Variants in KIF26B observed in about 807,000 individuals in gnomAD.
KIF26B encodes the protein kinesin family member 26B, also known as kinesin-like protein KIF26B.
Under a neutral mutation model 151.2 loss-of-function variants are expected in KIF26B, and 63 were observed. The observed-to-expected ratio is 0.42, with a 90% CI of 0.34 to 0.51. KIF26B has a LOEUF of 0.51. Among genes scored for constraint, KIF26B ranks in the 20% least tolerant of loss-of-function variants. The probability of loss-of-function intolerance (pLI) is 0.07; values close to 1 mark genes in which losing one functional copy is unlikely to be tolerated. For synonymous variants in KIF26B, 1,357 were observed against 1,262.1 expected (o/e 1.08, Z -1.59); for missense variants, 2,813 against 2,913.6 (o/e 0.97, Z 0.79).
chr1:245,601,405 A>G lies in KIF26B; in HGVS notation c.1351-1172A>G, dbSNP rs938098047. ...ACATTATGATTCTCTGAGCATTTCTATATGTTGAAAATATTTTATTTAAAA... is the reference window on the plus strand; with the variant it reads ...ACATTATGATTCTCTGAGCATTTCTGTATGTTGAAAATATTTTATTTAAAA... On this transcript the variant is annotated intron_variant, in intron 5 of 14. Transcript: ENST00000407071. The surrounding 1 kb of genome is among the most constrained non-coding windows in gnomAD (Gnocchi z 4.4). 2.6e-5 allele frequency among the ~76,000 whole-genome samples: 4 copies of G among 152,176 alleles called. No individual in the cohort carries two copies. The highest frequency in any genetic ancestry group is 9.7e-5 in the African/African-American group (4 of 41,428).
At chr1:245,425,861 G>A (rs1658633205) in intron 4 of KIF26B, among the ~76,000 whole-genome samples, 1 of 152,192 alleles carries the variant, frequency 6.6e-6, no homozygotes, top group Non-Finnish European at 1.5e-5. Flanking sequence ...CATGGCGTTG[G>A]TGAGCACAGA....
At chr1:245,613,058 T>C (rs2043545913) in intron 9 of KIF26B, among the ~76,000 whole-genome samples, 1 of 152,118 alleles carries the variant, frequency 6.6e-6, no homozygotes, top group African/African-American at 2.4e-5. Flanking sequence ...AGGCAGGTTG[T>C]GGGTAACGGG....
chr1:245,303,399 C>T (rs561684394), intron 2 of KIF26B, among the ~76,000 whole-genome samples: 62 of 150,764 alleles, frequency 4.1e-4, no homozygotes, highest in Admixed American at 8.5e-4. Context: ...GGGGTTTCAC[C>T]GTGTTAGCCA....
chr1:245,652,655 G>A (rs912465950), intron 10 of KIF26B, among the ~76,000 whole-genome samples: 4 of 152,184 alleles, frequency 2.6e-5, no homozygotes, highest in African/African-American at 9.7e-5. Context: ...ACCGTCTGGG[G>A]ATCGGCCGGG....
At chr1:245,305,332 T>A (rs1671515454) in intron 2 of KIF26B, among the ~76,000 whole-genome samples, 1 of 152,174 alleles carries the variant, frequency 6.6e-6, no homozygotes, top group Admixed American at 6.5e-5. Context: ...AGAAAATTTT[T>A]GCAAATCACA....
At chr1:245,433,610 A>G (rs1658833758) in intron 4 of KIF26B, among the ~76,000 whole-genome samples, 1 of 152,214 alleles carries the variant, frequency 6.6e-6, no homozygotes, top group African/African-American at 2.4e-5. Flanking sequence ...GATAAATGGC[A>G]TATTTTCCAT....
chr1:245,444,037 AGGTCATCTCCCTCACTGTTCACCCTGC>A (rs1659187899), intron 4 of KIF26B, among the ~76,000 whole-genome samples: 1 of 108,104 alleles, frequency 9.3e-6, no homozygotes, highest in African/African-American at 4.2e-5. Context: ...TCTAGAGGAG[AGGTCATCTCCCTCACTGTTCACCCTGC>A]GGTCATCTCC....
At chr1:245,164,056 A>G (rs1182657626) in intron 2 of KIF26B, among the ~76,000 whole-genome samples, 1 of 152,000 alleles carries the variant, frequency 6.6e-6, no homozygotes, top group African/African-American at 2.4e-5. Flanking sequence ...ATGTGTATAT[A>G]TTTTTTTCTA....
At chr1:245,194,938 C>T (rs916516821) in intron 2 of KIF26B, among the ~76,000 whole-genome samples, 1 of 152,124 alleles carries the variant, frequency 6.6e-6, no homozygotes, top group Non-Finnish European at 1.5e-5. Flanking sequence ...CCCAAGGTTA[C>T]TATATAATCT....
intron 10 of KIF26B, among the ~76,000 whole-genome samples, chr1:245,680,399 G>A (rs796287056): frequency 6.6e-5 from 10 of 152,262 alleles, no homozygotes; most frequent in Non-Finnish European, 1.2e-4. Flanking sequence ...CATACATGCC[G>A]CTGCTTCTTT....
chr1:245,618,723 C>G (rs113867887), intron 9 of KIF26B, among the ~76,000 whole-genome samples: 1 of 118,660 alleles, frequency 8.4e-6, no homozygotes, highest in East Asian at 2.8e-4. Context: ...GTGTCTGCTA[C>G]GTGCTGTTGG....
intron 2 of KIF26B, among the ~76,000 whole-genome samples, chr1:245,335,759 A>ACGCAGGGAGT (rs1558393262): frequency 6.9e-5 from 10 of 145,724 alleles, no homozygotes; most frequent in Non-Finnish European, 1.5e-4. Flanking sequence ...ACGCAGGGAG[A>ACGCAGGGAGT]GTCCCACGCA....
At chr1:245,615,682 G>A (rs1771522) in intron 9 of KIF26B, among the ~76,000 whole-genome samples, 12 of 151,934 alleles carry the variant, frequency 7.9e-5, no homozygotes, top group East Asian at 1.9e-4. Flanking sequence ...CCAAAACCTC[G>A]GTTAGGTCCT....
Position 245,636,739 on chromosome 1 carries a change from C to T in KIF26B, c.2099-9382C>T, listed in dbSNP as rs960047093. Among the ~76,000 whole-genome samples the T allele has an allele frequency of 2.5e-4, 38 of 151,994 alleles. 1 individual carries two copies. The highest frequency in any genetic ancestry group is 4.1e-4 in the Non-Finnish European group (28 of 67,926). Reference sequence around the variant, plus strand: ...TGTTGTAGCTCCCACATATGAGTGACAACATGGGATATTTGTCTTTCCATA... The same window carrying T: ...TGTTGTAGCTCCCACATATGAGTGATAACATGGGATATTTGTCTTTCCATA... On this transcript the variant is annotated intron_variant, in intron 9 of 14. Transcript: ENST00000407071.
chr1:245,279,058 C>T lies in KIF26B; in HGVS notation c.466-87776C>T, dbSNP rs114590253. Among the ~76,000 whole-genome samples, 849 of 152,256 alleles carry T rather than the reference C, an allele frequency of 5.6e-3. 7 individuals are homozygous for T. The highest frequency in any genetic ancestry group is 0.02 in the African/African-American group (821 of 41,558). On this transcript the variant is annotated intron_variant, in intron 2 of 14. Transcript: ENST00000407071. ...CCTTACGAAGCCTCTGTCATGCTTA[C>T]GGAGCACGTGACCCTCTTGAAGGAG...
intron 11 of KIF26B, 103 bp from the exon 12 acceptor site, chr1:245,685,299 CAGT>C (rs1392701355): frequency 5.2e-6 from 5 of 965,442 alleles, no homozygotes; most frequent in Non-Finnish European, 7.6e-6. Context: ...GGGTGGCTGT[CAGT>C]AGCCTGTGTC....
chr1:245,670,245 CATATATATATATATATATATATATAT>C (rs10584392), intron 10 of KIF26B, among the ~76,000 whole-genome samples: 3 of 134,760 alleles, frequency 2.2e-5, no homozygotes, highest in African/African-American at 7.9e-5. Context: ...TGTGTATATC[CATATATATATATATATATATATATAT>C]ATATATATAT....
At position 245,339,912 on chromosome 1, in the gene KIF26B, G is replaced by T. The variant is rs965201556; in HGVS notation, c.466-26922G>T. 2.0e-5 allele frequency among the ~76,000 whole-genome samples: 3 copies of T among 152,164 alleles called. No individual in the cohort carries two copies. The East Asian group carries it at 5.8e-4, about 29-fold the overall frequency. On this transcript the variant is annotated intron_variant, in intron 2 of 14. Transcript: ENST00000407071. Reference sequence around the variant, plus strand: ...TCAAATTGCTCTTCCCCATTGGGCCGTGTTGGAGAACACCAGGGCCCAGGG... The same window carrying T: ...TCAAATTGCTCTTCCCCATTGGGCCTTGTTGGAGAACACCAGGGCCCAGGG...
In KIF26B at chr1:245,552,122, GGTGTGTGTGT is replaced by G. The variant is rs55650522; in HGVS notation, c.1350+11212_1350+11221del. On this transcript the variant is annotated intron_variant, in intron 5 of 14. Coordinates refer to ENST00000407071, the MANE Select transcript of KIF26B (RefSeq NM_018012.4). ...TTCTCCAGAGAAACAGAACCAGCAG[GGTGTGTGTGT>G]GTGTGTGTGTGTGTGTGTGTGTGTG... Among the ~76,000 whole-genome samples, 945 of 131,696 alleles carry G rather than the reference GGTGTGTGTGT, an allele frequency of 7.2e-3. 16 individuals carry two copies. The highest frequency in any genetic ancestry group is 0.031 in the East Asian group (135 of 4,374). 86.4% of individuals were successfully genotyped at this position (131,696 alleles called of 152,430 possible).
Sources: allele counts gnomAD v4.1 joint callset (sites outside exome capture counted in the v4.1 genomes callset), GRCh38; gene constraint gnomAD v4.1.1; non-coding constraint Gnocchi (gnomAD v3.1); transcripts MANE v1.5; gene names NCBI Gene and HGNC (gene_info 2026-07-23, HGNC 2026-07-21).